MPHOSPH8: variants seen among roughly 807,000 people sequenced by gnomAD.
MPHOSPH8 encodes M-phase phosphoprotein, mpp.
A neutral mutation model predicts 87.3 loss-of-function variants in MPHOSPH8; 45 were observed. That is an observed-to-expected ratio of 0.52 (90% CI 0.41 to 0.66). MPHOSPH8 has a LOEUF of 0.66. Among genes scored for constraint, MPHOSPH8 ranks in the 30% least tolerant of loss-of-function variants. The pLI, the probability that MPHOSPH8 is intolerant of heterozygous loss-of-function variation, is 0.00. For synonymous variants in MPHOSPH8, 366 were observed against 376.9 expected (o/e 0.97, Z 0.33); for missense variants, 883 against 1,020.2 (o/e 0.87, Z 1.83).
At chr13:19,656,630 CAT>C (rs1373460789) in intron 5 of MPHOSPH8, among the ~76,000 whole-genome samples, 1 of 149,056 alleles carries the variant, frequency 6.7e-6, no homozygotes, top group Non-Finnish European at 1.5e-5. Context: ...CGTGGTGGCA[CAT>C]GTCTGTAATC....
chr13:19,641,965 G>T, intron 1 of MPHOSPH8, 150 bp from the exon 2 acceptor site: 1 of 597,258 alleles, frequency 1.7e-6, no homozygotes. Flanking sequence ...ACTTTTCTCA[G>T]GAGATGTGTG....
chr13:19,653,151 A>G (rs2137521592), intron 5 of MPHOSPH8, among the ~76,000 whole-genome samples: 1 of 152,292 alleles, frequency 6.6e-6, no homozygotes, highest in East Asian at 1.9e-4. Flanking sequence ...ACCTCCCAGT[A>G]GGGGCCAACA....
chr13:19,660,984 G>T lies in MPHOSPH8; in HGVS notation c.1792-714G>T, dbSNP rs775640641. On this transcript the variant is annotated intron_variant, in intron 7 of 13. Transcript: ENST00000361479. ...AAGAAGATACAAAAATGAGAGCTGGGCGTGGTGGCATGCACCTGTAATCCC... is the reference window on the plus strand; with the variant it reads ...AAGAAGATACAAAAATGAGAGCTGGTCGTGGTGGCATGCACCTGTAATCCC... 3.9e-4 allele frequency: 386 copies of T among 983,092 alleles called. 1 individual carries two copies. Among genetic ancestry groups the T allele is most frequent in the Non-Finnish European group, 4.5e-4 (375 of 827,962 alleles). 60.9% of individuals were successfully genotyped at this position (983,092 alleles called of 1,614,324 possible). A position where few individuals can be genotyped will look rare whatever the true frequency, so the allele number is the denominator to read the frequency against.
intron 1 of MPHOSPH8, 102 bp downstream of exon 1, chr13:19,634,063 G>C (rs1565930134): frequency 8.2e-7 from 1 of 1,226,752 alleles, no homozygotes; most frequent in African/African-American, 1.5e-5. Context: ...ACAGGAGCGG[G>C]GGAGGAATGT....
rs776701900 is a variant in MPHOSPH8, at chr13:19,646,940, G to T, written c.867G>T (p.Glu289Asp). ...GGCTACATTCCGACAGCAGAGAAGA[G>T]AAACAAAACACTAAAAGTGCAAGAG... is the stretch of plus-strand genomic sequence containing the variant. Reference protein sequence around the residue: ...SEGLHSDSREEKQNTKSARER... With the variant: ...SEGLHSDSREDKQNTKSARER... Residue 289 changes from glutamate (E) to aspartate (D), a missense_variant, in exon 3 of 14, where the codon GAG becomes GAT. Physicochemically the swap from Glu to Asp is conservative, Grantham distance 45 (BLOSUM62 2). Around this residue, in one of 3 missense-constraint regions of MPHOSPH8, gnomAD observed 741 missense variants for 841.5 expected, o/e 0.88. Transcript: ENST00000361479. The T allele has an allele frequency of 1.5e-5, 24 of 1,592,106 alleles. No individual in the cohort carries two copies. Among genetic ancestry groups the T allele is most frequent in the Non-Finnish European group, 1.9e-5 (22 of 1,174,802 alleles).
chr13:19,659,615 G>A (rs1875396833), intron 7 of MPHOSPH8: 1 of 391,966 alleles, frequency 2.6e-6, no homozygotes, highest in Admixed American at 3.3e-5. Context: ...GGTAAGTGGA[G>A]ATCACACCAC....
intron 1 of MPHOSPH8, among the ~76,000 whole-genome samples, chr13:19,637,084 A>G (rs749441198): frequency 2.4e-4 from 37 of 152,360 alleles, no homozygotes; most frequent in African/African-American, 7.2e-4. Flanking sequence ...TTCCTGAAAC[A>G]TAGTGACCAC....
Position 19,651,910 on chromosome 13 carries a change from C to A in MPHOSPH8, c.1576+1650C>A, listed in dbSNP as rs552264921. On this transcript the variant is annotated intron_variant, in intron 5 of 13. Transcript: ENST00000361479. The stretch of plus-strand genomic sequence containing the variant: ...GTCAGGAGTCCGAGACCAGCCTGGA[C>A]AACATGCTGAAACCCTGTCTCTACT... Among the ~76,000 whole-genome samples the A allele has an allele frequency of 3.3e-5, 5 of 151,968 alleles. No individual in the cohort carries two copies. In the East Asian group the frequency reaches 9.7e-4, roughly 30 times the overall value.
intron 3 of MPHOSPH8, 30 bp from the exon 4 acceptor site, chr13:19,648,392 T>C: frequency 2.1e-6 from 3 of 1,416,706 alleles, no homozygotes; most frequent in Non-Finnish European, 2.9e-6. Context: ...TCTTTATCCA[T>C]TCTTGTTTTG....
chr13:19,649,350 A>G (rs1874726084), intron 4 of MPHOSPH8, among the ~76,000 whole-genome samples: 1 of 152,108 alleles, frequency 6.6e-6, no homozygotes, highest in Non-Finnish European at 1.5e-5. Context: ...AAATGGAACT[A>G]CTGTTTGTCC....
rs901916049 is a variant in MPHOSPH8, at chr13:19,663,214, G to A, written c.2019+88G>A. 6 of 1,171,930 alleles carry A rather than the reference G, an allele frequency of 5.1e-6. No individual in the cohort carries two copies. In the East Asian group the frequency reaches 1.2e-4, roughly 23 times the overall value. 72.6% of individuals were successfully genotyped at this position (1,171,930 alleles called of 1,614,324 possible). A position where few individuals can be genotyped will look rare whatever the true frequency, so the allele number is the denominator to read the frequency against. ...TGCCACTGCCAGGCACTGTGCTGGG[G>A]ACTGAGAACAGAGTGGGTACCAAGA... is the stretch of plus-strand genomic sequence containing the variant. On this transcript the variant is annotated intron_variant, in intron 9 of 13. Coordinates refer to ENST00000361479, the MANE Select transcript of MPHOSPH8 (RefSeq NM_017520.4).
chr13:19,665,025 G>A (rs921398704), intron 9 of MPHOSPH8, among the ~76,000 whole-genome samples: 1 of 152,116 alleles, frequency 6.6e-6, no homozygotes, highest in South Asian at 2.1e-4. Flanking sequence ...CAGAAGGCAG[G>A]CGGGAGTGCC....
At position 19,666,486 on chromosome 13, in the gene MPHOSPH8, A is replaced by G; in HGVS notation, c.2081A>G (p.Asn694Ser). ...RLVIECGADC[N>S]ILSKHQNSAL... ...GTAATTGAATGTGGAGCTGACTGCA[A>G]TATTTTGTCAAAGCACCAGAATAGT... Residue 694 changes from asparagine (N) to serine (S), a missense_variant, in exon 10 of 14, where the codon AAT becomes AGT. Asn to Ser is a conservative substitution (Grantham distance 46). Around this residue, in one of 3 missense-constraint regions of MPHOSPH8, gnomAD observed 741 missense variants for 841.5 expected, o/e 0.88. Transcript: ENST00000361479. The G allele has an allele frequency of 3.7e-6, 6 of 1,612,006 alleles. No homozygotes were observed. Among genetic ancestry groups the G allele is most frequent in the South Asian group, 2.2e-5 (2 of 90,968 alleles).
Position 19,658,896 on chromosome 13 carries a change from A to G in MPHOSPH8, c.1577-99A>G, listed in dbSNP as rs939999942. 6.3e-6 allele frequency: 9 copies of G among 1,425,372 alleles called. No individual in the cohort carries two copies. In the African/African-American group the frequency reaches 1.1e-4, roughly 18 times the overall value. 88.3% of individuals were successfully genotyped at this position (1,425,372 alleles called of 1,614,324 possible). ...ACAATGACTTGTGTTAAAAGTGTACATAAAGCTTTGGTTAAGACACCACAA... is the reference window on the plus strand; with the variant it reads ...ACAATGACTTGTGTTAAAAGTGTACGTAAAGCTTTGGTTAAGACACCACAA... On this transcript the variant is annotated intron_variant, in intron 5 of 13. Transcript: ENST00000361479.
rs200230520 is a variant in MPHOSPH8 at position 19,650,266 on chromosome 13, T to A, written c.1576+6T>A. The A allele has an allele frequency of 1.2e-6, 2 of 1,608,450 alleles. No individual in the cohort carries two copies. The highest frequency in any genetic ancestry group is 4.5e-5 in the East Asian group (2 of 44,804). On this transcript the variant is annotated splice_donor_region_variant and intron_variant, in intron 5 of 13. Transcript: ENST00000361479. ...CCAAGCAGATGAGAATTCAGGTGAG[T>A]TTGGAATCATTTTGCAGAATTTTTC...
intron 5 of MPHOSPH8, among the ~76,000 whole-genome samples, chr13:19,652,637 G>A (rs1874923166): frequency 6.6e-6 from 1 of 152,106 alleles, no homozygotes; most frequent in African/African-American, 2.4e-5. Context: ...GGTCTGGCTT[G>A]GCGGGTCCCA....
chr13:19,642,339 T>G, intron 2 of MPHOSPH8, 69 bp downstream of exon 2: 1 of 1,280,816 alleles, frequency 7.8e-7, no homozygotes, highest in Non-Finnish European at 1.1e-6. Context: ...TCTCAAAGTA[T>G]GTGTAGTAAA....
intron 2 of MPHOSPH8, among the ~76,000 whole-genome samples, chr13:19,645,627 G>A (rs1053493454): frequency 2.6e-5 from 4 of 151,646 alleles, no homozygotes; most frequent in African/African-American, 9.7e-5. Context: ...GTGGTGGCAC[G>A]TTCCTCTAAT....
chr13:19,644,828 G>A (rs919926462), intron 2 of MPHOSPH8, among the ~76,000 whole-genome samples: 1 of 152,162 alleles, frequency 6.6e-6, no homozygotes, highest in African/African-American at 2.4e-5. Flanking sequence ...TTGATGACCA[G>A]TTGAGTTTAT....
Sources: allele counts gnomAD v4.1 joint callset (sites outside exome capture counted in the v4.1 genomes callset), GRCh38; gene constraint gnomAD v4.1.1; regional missense constraint gnomAD v4.1.1; transcripts MANE v1.5; gene names NCBI Gene and HGNC (gene_info 2026-07-23, HGNC 2026-07-21).